Variants in ABCC4 observed in about 807,000 individuals in gnomAD.
The protein encoded by ABCC4 is ATP binding cassette subfamily C member 4 (PEL blood group).
ABCC4 carries 102 observed loss-of-function variants against 168.5 expected under a neutral mutation model. That is an observed-to-expected ratio of 0.61 (90% confidence interval 0.52 to 0.71). ABCC4 has a LOEUF of 0.71. ABCC4 is among the 30% of genes least tolerant of loss of function. The pLI is 0.00. For synonymous variants in ABCC4, 617 were observed against 590.7 expected, an observed-to-expected ratio of 1.04 and a Z score of -0.65; for missense variants, 1,402 against 1,605.8, an observed-to-expected ratio of 0.87 and a Z score of 2.17.
chr13:95,212,084 G>A (rs753969830), intron 4 of ABCC4, among the ~76,000 whole-genome samples: 8 of 148,660 alleles, frequency 5.4e-5, no homozygotes, highest in Non-Finnish European at 1.2e-4. Context: ...GGCTGAGGCA[G>A]AAAATCACTT....
chr13:95,244,596 T>TA (rs1387393021), intron 3 of ABCC4, among the ~76,000 whole-genome samples: 1 of 34,974 alleles, frequency 2.9e-5, no homozygotes, highest in African/African-American at 1.7e-4. Flanking sequence ...TAAAATAACA[T>TA]GAAAGAAAGA....
chr13:95,064,227 T>C (rs2033407227), intron 25 of ABCC4, among the ~76,000 whole-genome samples: 1 of 144,276 alleles, frequency 6.9e-6, no homozygotes, highest in African/African-American at 2.7e-5. Flanking sequence ...GGCCATTTTC[T>C]GCACATAGGT....
At chr13:95,107,580 A>G (rs1566424537) in intron 20 of ABCC4, among the ~76,000 whole-genome samples, 1 of 152,174 alleles carries the variant, frequency 6.6e-6, no homozygotes, top group Non-Finnish European at 1.5e-5. Context: ...ATACAGTATT[A>G]CCACAGAGCT....
At chr13:95,086,636 C>G (rs1338006505) in intron 20 of ABCC4, among the ~76,000 whole-genome samples, 1 of 152,194 alleles carries the variant, frequency 6.6e-6, no homozygotes, top group African/African-American at 2.4e-5. Flanking sequence ...TTGTGGGATT[C>G]TGTTCCTGCT....
chr13:95,161,335 C>A lies in ABCC4; in HGVS notation c.2309G>T (p.Gly770Val). ...AAAAAGAACGGTAGCTACAGTTAAA[C>A]CTGAAATAAAGAAATATCACTTAGA... ...DLNWYLGIYS[G>V]LTVATVLFGI... The change falls in exon 19 of 31, where the codon GGT (glycine) becomes GTT (valine). Residue 770 changes from glycine to valine, a missense_variant and splice_region_variant. Gly to Val is a moderately radical substitution (Grantham distance 109). Coordinates refer to ENST00000645237, the MANE Select transcript of ABCC4 (RefSeq NM_005845.5). 1.3e-6 allele frequency: 2 copies of A among 1,571,830 alleles called. No homozygotes were observed. Among genetic ancestry groups the A allele is most frequent in the Non-Finnish European group, 1.7e-6 (2 of 1,164,404 alleles).
chr13:95,074,438 A>G, intron 22 of ABCC4, 114 bp from the exon 23 acceptor site: 1 of 710,896 alleles, frequency 1.4e-6, no homozygotes, highest in South Asian at 1.9e-5. Flanking sequence ...AAAGTTGCAC[A>G]CCCAAGGAAC....
At chr13:95,224,459 A>C (rs1005196179) in intron 4 of ABCC4, among the ~76,000 whole-genome samples, 1 of 152,290 alleles carries the variant, frequency 6.6e-6, no homozygotes. Flanking sequence ...AATGTTGGCC[A>C]GTCGTGGTGG....
At chr13:95,167,435 G>C (rs57377094) in intron 14 of ABCC4, among the ~76,000 whole-genome samples, 1,718 of 152,186 alleles carry the variant, frequency 0.011, 28 homozygotes, top group African/African-American at 0.037. Flanking sequence ...AATCAAAGGA[G>C]AGCAGCTCCT....
intron 8 of ABCC4, among the ~76,000 whole-genome samples, chr13:95,197,442 A>T (rs1473847601): frequency 6.6e-6 from 1 of 152,224 alleles, no homozygotes; most frequent in Non-Finnish European, 1.5e-5. Flanking sequence ...CCTATTGAGC[A>T]CTGGTCAATA....
rs527853384 is a variant in ABCC4, at chr13:95,247,018, T to G, written c.263A>C (p.Tyr88Ser). The G allele has an allele frequency of 1.9e-6, 3 of 1,612,164 alleles. No individual in the cohort carries two copies. The highest frequency in any genetic ancestry group is 2.2e-5 in the East Asian group (1 of 44,866). Residue 88 changes from tyrosine to serine, a missense_variant, in exon 3 of 31, where the codon TAC becomes TCC. Transcript: ENST00000645237. Reference protein sequence around the residue: ...PSLTRAIIKCYWKSYLVLGIF... With the variant: ...PSLTRAIIKCSWKSYLVLGIF... ...TCCCAAAACTAAATAAGATTTCCAG[T>G]AACACTTTATGATTGCTCTTGTTAA...
intron 20 of ABCC4, among the ~76,000 whole-genome samples, chr13:95,111,633 T>C (rs777727863): frequency 3.9e-5 from 6 of 152,218 alleles, no homozygotes; most frequent in Non-Finnish European, 8.8e-5. Flanking sequence ...CACTTTTAAG[T>C]TACCAGTGTC....
At position 95,242,998 on chromosome 13, in the gene ABCC4, G is replaced by A. The variant is rs2039987903; in HGVS notation, c.306+3977C>T. Among the ~76,000 whole-genome samples the A allele has an allele frequency of 2.0e-5, 3 of 152,226 alleles. No homozygotes were observed. In the South Asian group the frequency reaches 6.2e-4, roughly 32 times the overall value. Reference sequence around the variant, plus strand: ...TATGTTAAAGACACAAGGTTAAAATGAGCATCATCCACTAGTCACCATGAT... The same window carrying A: ...TATGTTAAAGACACAAGGTTAAAATAAGCATCATCCACTAGTCACCATGAT... On this transcript the variant is annotated intron_variant, in intron 3 of 30. Transcript: ENST00000645237.
At chr13:95,281,023 C>G (rs1018014234) in intron 1 of ABCC4, among the ~76,000 whole-genome samples, 1 of 151,402 alleles carries the variant, frequency 6.6e-6, no homozygotes, top group Non-Finnish European at 1.5e-5. Flanking sequence ...TCTTTTAATA[C>G]TGGATGCTAA....
At chr13:95,284,840 T>C (rs1283653931) in intron 1 of ABCC4, among the ~76,000 whole-genome samples, 2 of 152,284 alleles carry the variant, frequency 1.3e-5, no homozygotes, top group East Asian at 1.9e-4. Flanking sequence ...TGGGAAATAA[T>C]AGTACCCACC....
chr13:95,282,190 T>C (rs1172154008), intron 1 of ABCC4, among the ~76,000 whole-genome samples: 1 of 151,302 alleles, frequency 6.6e-6, no homozygotes, highest in African/African-American at 2.4e-5. Flanking sequence ...TCTGAAGTAC[T>C]AGAGATCAGG....
chr13:95,038,969 A>C (rs1267192231), intron 29 of ABCC4, among the ~76,000 whole-genome samples: 10 of 152,208 alleles, frequency 6.6e-5, no homozygotes, highest in Non-Finnish European at 1.2e-4. Flanking sequence ...AAAAGGAGAC[A>C]CAGCAGGAAT....
chr13:95,189,124 C>CTTTT (rs61449462), intron 9 of ABCC4, among the ~76,000 whole-genome samples: 6 of 67,266 alleles, frequency 8.9e-5, no homozygotes, highest in African/African-American at 2.2e-4. Context: ...AAACAATATT[C>CTTTT]TTTTTTTTTT....
At chr13:95,301,045 A>G (rs1160136598) in intron 1 of ABCC4, among the ~76,000 whole-genome samples, 196 bp downstream of exon 1, 1 of 151,674 alleles carries the variant, frequency 6.6e-6, no homozygotes, top group Non-Finnish European at 1.5e-5. Flanking sequence ...CCCGGGGCGC[A>G]GGCAGGGACC....
intron 1 of ABCC4, 134 bp from the exon 2 acceptor site, chr13:95,247,887 T>C: frequency 1.8e-6 from 1 of 554,490 alleles, no homozygotes; most frequent in Non-Finnish European, 3.1e-6. Flanking sequence ...GATATGAATA[T>C]ATAGAGCTAG....
Sources: allele counts gnomAD v4.1 joint callset (sites outside exome capture counted in the v4.1 genomes callset), GRCh38; gene constraint gnomAD v4.1.1; transcripts MANE v1.5; gene names NCBI Gene and HGNC (gene_info 2026-07-23, HGNC 2026-07-21).